Variants in TNFSF9 observed in about 807,000 individuals in gnomAD.
TNFSF9 encodes TNF superfamily member 9, also known as tumor necrosis factor ligand superfamily member 9.
A neutral mutation model predicts 10.3 loss-of-function variants in TNFSF9; 10 were observed. The ratio of observed to expected loss-of-function variants is 0.97; its 90% CI spans 0.60 to 1.65. The LOEUF (loss-of-function observed/expected upper bound fraction) is 1.65, where lower values mean the gene tolerates loss of function less well. TNFSF9 is among the 40% of genes most tolerant of loss of function. The probability of loss-of-function intolerance (pLI) is 0.00; values close to 1 mark genes in which losing one functional copy is unlikely to be tolerated. For missense variants in TNFSF9, 361 were observed against 348.9 expected (o/e 1.03, Z -0.28); for synonymous variants, 195 against 176.1 (o/e 1.11, Z -0.85).
At chr19:6,532,710 G>C (rs1189005394) in intron 1 of TNFSF9, 76 bp from the exon 2 acceptor site, 1 of 1,608,852 alleles carries the variant, frequency 6.2e-7, no homozygotes, top group Non-Finnish European at 8.5e-7. Flanking sequence ...GACCCTGACA[G>C]CTGAAGTGAG....
In TNFSF9 at chr19:6,532,768, C is replaced by T; in HGVS notation, c.268-18C>T. 6.2e-7 allele frequency: 1 copy of T among 1,613,730 alleles called. No homozygotes were observed. Among genetic ancestry groups the T allele is most frequent in the South Asian group, 1.1e-5 (1 of 91,088 alleles). ...TAGGGGAACCCCCATCCACTTTCCTCCTTTCTACTTTTAACAGGGCATGTT... is the reference window on the plus strand; with the variant it reads ...TAGGGGAACCCCCATCCACTTTCCTTCTTTCTACTTTTAACAGGGCATGTT... On this transcript the variant is annotated intron_variant, in intron 1 of 2. Coordinates refer to ENST00000245817, the MANE Select transcript of TNFSF9 (RefSeq NM_003811.4).
chr19:6,533,886 C>G (rs1915206614), intron 2 of TNFSF9, among the ~76,000 whole-genome samples: 1 of 57,822 alleles, frequency 1.7e-5, no homozygotes, highest in Non-Finnish European at 3.5e-5. Context: ...ACCCCTCCCC[C>G]ACCCCTTCCT....
chr19:6,531,049 T>G lies in TNFSF9; in HGVS notation c.13T>G (p.Ser5Ala). The G allele has an allele frequency of 6.2e-7, 1 of 1,611,060 alleles. No homozygotes were observed. Among genetic ancestry groups the G allele is most frequent in the Non-Finnish European group, 8.5e-7 (1 of 1,179,054 alleles). Residue 5 changes from serine to alanine, a missense_variant, in exon 1 of 3, where the codon TCT (serine) becomes GCT (alanine). Physicochemically the swap from Ser to Ala is moderately conservative, Grantham distance 99. Transcript: ENST00000245817. The stretch of plus-strand genomic sequence containing the variant: ...GCAGTCTCTCGTCATGGAATACGCC[T>G]CTGACGCTTCACTGGACCCCGAAGC... The part of the protein sequence containing the change: MEYA[S>A]DASLDPEAPW...
At position 6,531,198 on chromosome 19, in the gene TNFSF9, C is replaced by T; in HGVS notation, c.162C>T (p.Ala54=). Residue 54 remains alanine (A), a synonymous_variant, in exon 1 of 3, where the codon GCC becomes GCT. Transcript: ENST00000245817. ...CCGTCTTCCTCGCCTGCCCCTGGGCCGTGTCCGGGGCTCGCGCCTCGCCCG... is the reference window on the plus strand; with the variant it reads ...CCGTCTTCCTCGCCTGCCCCTGGGCTGTGTCCGGGGCTCGCGCCTCGCCCG... ...ACAVFLACPW[A]VSGARASPGS... 6.4e-7 allele frequency: 1 copy of T among 1,562,168 alleles called. No homozygotes were observed. Among genetic ancestry groups the T allele is most frequent in the South Asian group, 1.2e-5 (1 of 85,742 alleles).
chr19:6,534,667 G>A lies in TNFSF9; in HGVS notation c.366G>A (p.Gly122=). The part of the protein sequence containing the change: ...DPGLAGVSLT[G]GLSYKEDTKE... Reference sequence around the variant, plus strand: ...GCCTGGCAGGCGTGTCCCTGACGGGGGGCCTGAGCTACAAAGAGGACACGA... The same window carrying A: ...GCCTGGCAGGCGTGTCCCTGACGGGAGGCCTGAGCTACAAAGAGGACACGA... Residue 122 remains glycine, a synonymous_variant, in exon 3 of 3, where the codon GGG becomes GGA. Coordinates refer to ENST00000245817, the MANE Select transcript of TNFSF9 (RefSeq NM_003811.4). The A allele has an allele frequency of 6.3e-7, 1 of 1,591,074 alleles. No individual in the cohort carries two copies. Among genetic ancestry groups the A allele is most frequent in the Non-Finnish European group, 8.6e-7 (1 of 1,169,462 alleles).
chr19:6,531,330 C>A (rs1915142386), intron 1 of TNFSF9, 27 bp downstream of exon 1: 2 of 1,444,254 alleles, frequency 1.4e-6, no homozygotes, highest in Admixed American at 2.8e-5. Context: ...CCCTCGGTAG[C>A]TGGTCTCGCG....
At chr19:6,532,453 G>T (rs563528856) in intron 1 of TNFSF9, among the ~76,000 whole-genome samples, 1 of 150,974 alleles carries the variant, frequency 6.6e-6, no homozygotes, top group East Asian at 1.9e-4. Context: ...TCATGTGGGT[G>T]TGTTTGGATA....
chr19:6,534,415 A>ACC (rs1915218855), intron 2 of TNFSF9, among the ~76,000 whole-genome samples, 185 bp from the exon 3 acceptor site: 1 of 22,190 alleles, frequency 4.5e-5, no homozygotes, highest in African/African-American at 1.6e-4. Context: ...CACCCCCCCA[A>ACC]CGCCCCCCCC....
Position 6,535,060 on chromosome 19 carries a change from G to A in TNFSF9, c.759G>A (p.Ser253=). The change falls in exon 3 of 3, where the codon TCG becomes TCA. Residue 253 remains serine (S), a synonymous_variant. Transcript: ENST00000245817. The part of the protein sequence containing the change: ...EIPAGLPSPR[S]E Reference sequence around the variant, plus strand: ...CAGCCGGACTCCCTTCACCGAGGTCGGAATAACGTCCAGCCTGGGTGCAGC... The same window carrying A: ...CAGCCGGACTCCCTTCACCGAGGTCAGAATAACGTCCAGCCTGGGTGCAGC... 2.6e-6 allele frequency: 4 copies of A among 1,556,468 alleles called. No homozygotes were observed. The highest frequency in any genetic ancestry group is 1.2e-5 in the South Asian group (1 of 82,890).
intron 1 of TNFSF9, 84 bp downstream of exon 1, chr19:6,531,387 C>A: frequency 2.2e-6 from 3 of 1,369,216 alleles, no homozygotes; most frequent in Non-Finnish European, 2.8e-6. Flanking sequence ...CTCCCGCACC[C>A]CCAGGGACAC....
In TNFSF9 at chr19:6,532,808, C is replaced by T. The variant is rs1441660277; in HGVS notation, c.290C>T (p.Ala97Val). ...LRQGMFAQLV[A>V]QNVLLIDGPL... ...CAGGGCATGTTTGCGCAGCTGGTGGCCCAAAATGGTAAGTATCCTCCGCCA... is the reference window on the plus strand; with the variant it reads ...CAGGGCATGTTTGCGCAGCTGGTGGTCCAAAATGGTAAGTATCCTCCGCCA... The change falls in exon 2 of 3, where the codon GCC becomes GTC. Residue 97 changes from alanine (A) to valine (V), a missense_variant. Physicochemically the swap from Ala to Val is moderately conservative, Grantham distance 64. Coordinates refer to ENST00000245817, the MANE Select transcript of TNFSF9 (RefSeq NM_003811.4). 1.1e-5 allele frequency: 18 copies of T among 1,613,658 alleles called. No individual in the cohort carries two copies. The highest frequency in any genetic ancestry group is 1.7e-5 in the Admixed American group (1 of 59,956).
Position 6,534,836 on chromosome 19 carries a change from C to CTGGCTT in TNFSF9, c.538_543dup (p.Ala180_Leu181dup). On this transcript the variant is annotated inframe_insertion, in exon 3 of 3. Transcript: ENST00000245817. ...GCGCTCTGCTGCTGGGGCCGCCGCC[C>CTGGCTT]TGGCTTTGACCGTGGACCTGCCACC... The CTGGCTT allele has an allele frequency of 6.2e-7, 1 of 1,606,566 alleles. No homozygotes were observed. The highest frequency in any genetic ancestry group is 2.2e-5 in the East Asian group (1 of 44,730).
chr19:6,532,765 C>T (rs1394943573), intron 1 of TNFSF9, 21 bp from the exon 2 acceptor site: 25 of 1,613,722 alleles, frequency 1.5e-5, no homozygotes, highest in Non-Finnish European at 2.1e-5. Flanking sequence ...CATCCACTTT[C>T]CTCCTTTCTA....
At chr19:6,532,839 G>T in intron 2 of TNFSF9, 23 bp downstream of exon 2, 1 of 1,613,596 alleles carries the variant, frequency 6.2e-7, no homozygotes, top group Non-Finnish European at 8.5e-7. Context: ...CGCCACTTCC[G>T]GTCCCTGGCC....
At chr19:6,532,342 T>G (rs912708694) in intron 1 of TNFSF9, among the ~76,000 whole-genome samples, 7 of 150,690 alleles carry the variant, frequency 4.6e-5, no homozygotes. Flanking sequence ...TGTGTTCGTG[T>G]GGGGGTGCGT....
chr19:6,532,200 G>T (rs1331575850), intron 1 of TNFSF9, among the ~76,000 whole-genome samples: 4 of 152,142 alleles, frequency 2.6e-5, no homozygotes, highest in Non-Finnish European at 4.4e-5. Flanking sequence ...CTGGAAAGAA[G>T]AGGGATCGCT....
At chr19:6,532,956 C>A in intron 2 of TNFSF9, 140 bp downstream of exon 2, 1 of 1,237,370 alleles carries the variant, frequency 8.1e-7, no homozygotes, top group Non-Finnish European at 1.2e-6. Flanking sequence ...AAAGCTGCTA[C>A]TTCCCCTCTT....
Position 6,534,591 on chromosome 19 carries a change from C to T in TNFSF9, c.299-9C>T, listed in dbSNP as rs1335309351. Reference sequence around the variant, plus strand: ...TCAGCTAAGCTAAGTGCATGCTTTCCTCCCACAGTTCTGCTGATCGATGGG... The same window carrying T: ...TCAGCTAAGCTAAGTGCATGCTTTCTTCCCACAGTTCTGCTGATCGATGGG... On this transcript the variant is annotated splice_polypyrimidine_tract_variant and intron_variant, in intron 2 of 2. Transcript: ENST00000245817. 2.6e-6 allele frequency: 4 copies of T among 1,558,062 alleles called. No homozygotes were observed. Among genetic ancestry groups the T allele is most frequent in the Admixed American group, 3.8e-5 (2 of 51,964 alleles).
intron 1 of TNFSF9, 116 bp from the exon 2 acceptor site, chr19:6,532,670 C>T (rs957777258): frequency 5.5e-5 from 77 of 1,393,682 alleles, no homozygotes; most frequent in Middle Eastern, 3.7e-4. Flanking sequence ...GGAAGGGAAG[C>T]GTAGGCTTCA....
Sources: gnomAD v4.1 joint callset for allele counts (sites outside exome capture counted in the v4.1 genomes callset) on GRCh38, gnomAD v4.1.1 for gene constraint, MANE v1.5 for transcripts, NCBI Gene and HGNC (gene_info 2026-07-23, HGNC 2026-07-21) for gene names.